PRKN: variants seen among roughly 807,000 people sequenced by gnomAD.
PRKN encodes the protein E3 ubiquitin-protein ligase parkin.
A neutral mutation model predicts 59.5 loss-of-function variants in PRKN; 56 were observed. The ratio of observed to expected loss-of-function variants is 0.94; its 90% CI spans 0.76 to 1.18. PRKN has a LOEUF of 1.18. PRKN is among the 50% of genes most tolerant of loss of function. The pLI, the probability that PRKN is intolerant of heterozygous loss-of-function variation, is 0.00. For synonymous variants in PRKN, 250 were observed against 222.1 expected, an observed-to-expected ratio of 1.13 and a Z score of -1.12; for missense variants, 657 against 596.4, an observed-to-expected ratio of 1.10 and a Z score of -1.06.
At chr6:162,686,415 TTTTTG>T (rs1463802246) in intron 1 of PRKN, among the ~76,000 whole-genome samples, 4 of 151,964 alleles carry the variant, frequency 2.6e-5, no homozygotes, top group African/African-American at 7.3e-5. Context: ...GGAGGAGAAG[TTTTTG>T]TTTTGTTTTG....
rs2142526 is a variant in PRKN at position 162,426,859 on chromosome 6, A to G, written c.171+16451T>C. Among the ~76,000 whole-genome samples the G allele has an allele frequency of 5.4e-3, 818 of 152,380 alleles. 9 individuals are homozygous for G. The highest frequency in any genetic ancestry group is 0.018 in the African/African-American group (753 of 41,584). On this transcript the variant is annotated intron_variant, in intron 2 of 11. Transcript: ENST00000366898. The stretch of plus-strand genomic sequence containing the variant: ...AAGATACAAATCATAAACAAAGATG[A>G]AGTAAGTTTTCCACATTAATGTGGG...
chr6:162,334,668 A>G (rs1409310168), intron 2 of PRKN, among the ~76,000 whole-genome samples: 1 of 152,204 alleles, frequency 6.6e-6, no homozygotes, highest in Non-Finnish European at 1.5e-5. Context: ...TTTAACTTGC[A>G]AGTCTTATTA....
Position 161,518,995 on chromosome 6 carries a change from A to T in PRKN, c.1083+29859T>A, listed in dbSNP as rs1270692741. ...GTGTCCAGATGCAAGTAAATGATAA[A>T]CTCCTCGAGACTTCAGACAGAGAGC... On this transcript the variant is annotated intron_variant, in intron 9 of 11. Coordinates refer to ENST00000366898, the MANE Select transcript of PRKN (RefSeq NM_004562.3). This position sits in a 1 kb window ranked among gnomAD's most constrained non-coding sequence, Gnocchi z 5.0. 6.6e-6 allele frequency among the ~76,000 whole-genome samples: 1 copy of T among 151,774 alleles called. No homozygotes were observed. The highest frequency in any genetic ancestry group is 2.4e-5 in the African/African-American group (1 of 41,298).
At chr6:161,988,899 T>C (rs372649512) in intron 5 of PRKN, among the ~76,000 whole-genome samples, 46 of 152,368 alleles carry the variant, frequency 3.0e-4, no homozygotes, top group Non-Finnish European at 5.7e-4. Flanking sequence ...GTCTTTATCA[T>C]GTTTAATTTA....
Position 162,080,407 on chromosome 6 carries a change from A to G in PRKN, c.535-26233T>C, listed in dbSNP as rs146945385. On this transcript the variant is annotated intron_variant, in intron 4 of 11. Transcript: ENST00000366898. ...AAACACTGTAATGTTAGTTACAGGC[A>G]TAAGTTGGAGATACTGTGGGTTCAG... Among the ~76,000 whole-genome samples, 4 of 152,220 alleles carry G rather than the reference A, an allele frequency of 2.6e-5. 1 individual carries two copies. The highest frequency in any genetic ancestry group is 9.6e-5 in the African/African-American group (4 of 41,494).
chr6:161,985,483 A>T (rs1206206230), intron 5 of PRKN, among the ~76,000 whole-genome samples: 2 of 152,136 alleles, frequency 1.3e-5, no homozygotes, highest in Non-Finnish European at 2.9e-5. Context: ...TTAGCTGGTA[A>T]TTATTTACGA....
rs530977853 is a variant in PRKN, at chr6:162,189,266, T to C, written c.534+11865A>G. 2.6e-3 allele frequency among the ~76,000 whole-genome samples: 395 copies of C among 151,698 alleles called. 1 individual carries two copies. Among genetic ancestry groups the C allele is most frequent in the Middle Eastern group, 0.01 (3 of 292 alleles). On this transcript the variant is annotated intron_variant, in intron 4 of 11. Transcript: ENST00000366898. ...TCTAATTATCTTCTATAGGAGGGAATTGAGATTAGACAACTGCAAAGTTGA... is the reference window on the plus strand; with the variant it reads ...TCTAATTATCTTCTATAGGAGGGAACTGAGATTAGACAACTGCAAAGTTGA...
At chr6:161,358,213 T>C (rs1174243112) in intron 11 of PRKN, among the ~76,000 whole-genome samples, 2 of 152,164 alleles carry the variant, frequency 1.3e-5, no homozygotes, top group South Asian at 2.1e-4. Context: ...GGTCAAATAA[T>C]ATAAAGTCTT....
intron 4 of PRKN, among the ~76,000 whole-genome samples, chr6:162,094,957 T>A (rs1004225687): frequency 2.6e-5 from 4 of 152,092 alleles, no homozygotes; most frequent in African/African-American, 9.7e-5. Flanking sequence ...GATGGAGATG[T>A]ATAGATAGAT....
rs147358639 is a variant in PRKN, at chr6:162,623,237, T to C, written c.7+104425A>G. 5.5e-3 allele frequency among the ~76,000 whole-genome samples: 839 copies of C among 152,310 alleles called. 4 individuals carry two copies. Among genetic ancestry groups the C allele is most frequent in the Non-Finnish European group, 9.8e-3 (665 of 68,020 alleles). ...TTTTGAGAATGATTCATGTAGGGAATAATTTATGTGTGAAGAATAAAGTTT... is the reference window on the plus strand; with the variant it reads ...TTTTGAGAATGATTCATGTAGGGAACAATTTATGTGTGAAGAATAAAGTTT... On this transcript the variant is annotated intron_variant, in intron 1 of 11. Transcript: ENST00000366898.
chr6:162,562,899 C>T (rs985257392), intron 1 of PRKN, among the ~76,000 whole-genome samples: 1 of 152,198 alleles, frequency 6.6e-6, no homozygotes, highest in Non-Finnish European at 1.5e-5. Flanking sequence ...TTGTTGGCTT[C>T]ATGTCTGACT....
chr6:162,276,627 G>T (rs1483963966), intron 2 of PRKN, among the ~76,000 whole-genome samples: 1 of 151,866 alleles, frequency 6.6e-6, no homozygotes, highest in Non-Finnish European at 1.5e-5. Context: ...ACTTTTGTCT[G>T]TTTAATATAT....
At chr6:161,977,933 G>A (rs1184481344) in intron 5 of PRKN, among the ~76,000 whole-genome samples, 2 of 152,304 alleles carry the variant, frequency 1.3e-5, no homozygotes, top group African/African-American at 2.4e-5. Flanking sequence ...CCTCAGAGAT[G>A]AGCGGACAAA....
chr6:162,187,818 A>G (rs1784094621), intron 4 of PRKN, among the ~76,000 whole-genome samples: 1 of 152,160 alleles, frequency 6.6e-6, no homozygotes, highest in African/African-American at 2.4e-5. Flanking sequence ...AATCCTCAGT[A>G]AAAGGAACCA....
chr6:161,713,578 A>G (rs768218278), intron 7 of PRKN, among the ~76,000 whole-genome samples: 23 of 152,232 alleles, frequency 1.5e-4, no homozygotes, highest in Admixed American at 2.6e-4. Context: ...AACTGGGGAC[A>G]AAGACCAAAT....
intron 3 of PRKN, among the ~76,000 whole-genome samples, chr6:162,202,096 T>C (rs1295923481): frequency 2.0e-5 from 3 of 152,294 alleles, no homozygotes; most frequent in Admixed American, 2.0e-4. Context: ...AATTACTAAA[T>C]AGTTTTTTCT....
chr6:161,526,742 G>T lies in PRKN; in HGVS notation c.1083+22112C>A, dbSNP rs1264418744. ...GAAAAGACTTTCTTTATCCTCTGAA[G>T]GTTCGATAATGTAGTCTATGAAATA... On this transcript the variant is annotated intron_variant, in intron 9 of 11. Coordinates refer to ENST00000366898, the MANE Select transcript of PRKN (RefSeq NM_004562.3). The surrounding 1 kb of genome is among the most constrained non-coding windows in gnomAD (Gnocchi z 4.1). Among the ~76,000 whole-genome samples the T allele has an allele frequency of 1.3e-5, 2 of 152,082 alleles. No individual in the cohort carries two copies. The highest frequency in any genetic ancestry group is 2.4e-5 in the African/African-American group (1 of 41,422).
chr6:162,217,197 G>C (rs529105423), intron 3 of PRKN, among the ~76,000 whole-genome samples: 5 of 152,182 alleles, frequency 3.3e-5, no homozygotes, highest in African/African-American at 1.2e-4. Context: ...ATGAACCAAG[G>C]CCCAATCATT....
intron 8 of PRKN, among the ~76,000 whole-genome samples, chr6:161,555,638 T>G (rs1351156029): frequency 6.6e-6 from 1 of 152,188 alleles, no homozygotes; most frequent in Non-Finnish European, 1.5e-5. Flanking sequence ...GTGTGGGGCT[T>G]TGTCCTGAGG....
Sources: allele counts gnomAD v4.1 joint callset (sites outside exome capture counted in the v4.1 genomes callset), GRCh38; gene constraint gnomAD v4.1.1; non-coding constraint Gnocchi (gnomAD v3.1); transcripts MANE v1.5; gene names NCBI Gene and HGNC (gene_info 2026-07-23, HGNC 2026-07-21).